Variants in SENP7 observed in about 807,000 individuals in gnomAD.
The protein encoded by SENP7 is SUMO specific peptidase 7.
Under a neutral mutation model 141.2 loss-of-function variants are expected in SENP7, and 64 were observed. The ratio of observed to expected loss-of-function variants is 0.45; its 90% CI spans 0.37 to 0.56. The LOEUF (loss-of-function observed/expected upper bound fraction) is 0.56. Ranked by LOEUF, SENP7 falls within the 20% of genes least tolerant of loss-of-function variation. The pLI is 0.00. For missense variants in SENP7, 1,025 were observed against 1,212.2 expected (o/e 0.85, Z 2.29); for synonymous variants, 382 against 426.4 (o/e 0.90, Z 1.28).
chr3:101,361,146 A>C (rs2059887706), intron 11 of SENP7, among the ~76,000 whole-genome samples: 1 of 151,958 alleles, frequency 6.6e-6, no homozygotes, highest in South Asian at 2.1e-4. Flanking sequence ...CAGAAGTTGC[A>C]GTGAGCCAAG....
chr3:101,381,272 C>A (rs937302980), intron 6 of SENP7, among the ~76,000 whole-genome samples: 1 of 152,088 alleles, frequency 6.6e-6, no homozygotes, highest in African/African-American at 2.4e-5. Flanking sequence ...TATAGTTCTA[C>A]CTCTGCCACT....
At chr3:101,412,500 G>T (rs1021318651) in intron 5 of SENP7, among the ~76,000 whole-genome samples, 9 of 152,116 alleles carry the variant, frequency 5.9e-5, no homozygotes, top group African/African-American at 2.2e-4. Flanking sequence ...CAGGAACACT[G>T]CAATATCCAA....
At chr3:101,409,104 T>G (rs1158188735) in intron 5 of SENP7, among the ~76,000 whole-genome samples, 1 of 152,160 alleles carries the variant, frequency 6.6e-6, no homozygotes, top group Non-Finnish European at 1.5e-5. Flanking sequence ...AAGATTAATG[T>G]ACATAAATCA....
At chr3:101,457,079 A>C (rs1477043726) in intron 4 of SENP7, among the ~76,000 whole-genome samples, 1 of 152,194 alleles carries the variant, frequency 6.6e-6, no homozygotes, top group Non-Finnish European at 1.5e-5. Context: ...TGTATAAGCA[A>C]AACCTGAAAA....
intron 15 of SENP7, among the ~76,000 whole-genome samples, chr3:101,340,951 G>A (rs905273530): frequency 1.3e-4 from 20 of 152,144 alleles, no homozygotes; most frequent in African/African-American, 4.1e-4. Context: ...CAGTAATGAA[G>A]GTATAATATG....
intron 4 of SENP7, among the ~76,000 whole-genome samples, chr3:101,456,489 T>C (rs989702828): frequency 1.3e-5 from 2 of 152,162 alleles, no homozygotes; most frequent in African/African-American, 4.8e-5. Context: ...GTATATTAAA[T>C]AGATGTTATA....
intron 15 of SENP7, among the ~76,000 whole-genome samples, chr3:101,340,642 A>G (rs2059304852): frequency 6.6e-6 from 1 of 152,202 alleles, no homozygotes; most frequent in African/African-American, 2.4e-5. Flanking sequence ...AAAAGCCAGC[A>G]GTCAAAAATT....
rs1298035613 is a variant in SENP7 at position 101,488,727 on chromosome 3, A to G, written c.186+5146T>C. ...CATGGCAGCATGTGCCTGTAGTCCC[A>G]GCTACTTGGGAGGCTGACGCAGGAG... On this transcript the variant is annotated intron_variant, in intron 3 of 23. Coordinates refer to ENST00000394095, the MANE Select transcript of SENP7 (RefSeq NM_020654.5). Among the ~76,000 whole-genome samples, 3 of 152,322 alleles carry G rather than the reference A, an allele frequency of 2.0e-5. No homozygotes were observed. In the South Asian group the frequency reaches 6.2e-4, roughly 32 times the overall value.
At chr3:101,416,290 T>C (rs1201883548) in intron 5 of SENP7, among the ~76,000 whole-genome samples, 2 of 152,198 alleles carry the variant, frequency 1.3e-5, no homozygotes, top group African/African-American at 4.8e-5. Flanking sequence ...ACATAATCTA[T>C]GTGCTAAAAA....
intron 9 of SENP7, among the ~76,000 whole-genome samples, chr3:101,366,201 G>GA (rs1317353011): frequency 1.3e-5 from 2 of 151,968 alleles, no homozygotes; most frequent in Non-Finnish European, 2.9e-5. Flanking sequence ...ACTAATCTAA[G>GA]AAAAAAATTA....
At chr3:101,431,708 C>G (rs936483039) in intron 4 of SENP7, among the ~76,000 whole-genome samples, 6 of 151,590 alleles carry the variant, frequency 4.0e-5, no homozygotes, top group Non-Finnish European at 8.8e-5. Flanking sequence ...CGCTTGAACC[C>G]GGGAGGCAGA....
chr3:101,490,708 A>G (rs1183222042), intron 3 of SENP7, among the ~76,000 whole-genome samples: 1 of 152,186 alleles, frequency 6.6e-6, no homozygotes, highest in Admixed American at 6.5e-5. Flanking sequence ...AAAATCACAA[A>G]CAAATCAATA....
In SENP7 at chr3:101,328,530, G is replaced by C. The variant is rs2058963744; in HGVS notation, c.2812C>G (p.Leu938Val). The C allele has an allele frequency of 6.2e-7, 1 of 1,612,322 alleles. No homozygotes were observed. Among genetic ancestry groups the C allele is most frequent in the Non-Finnish European group, 8.5e-7 (1 of 1,178,990 alleles). ...KMCKRPCILI[L>V]DSLKAASVQN... Reference sequence around the variant, plus strand: ...ACAGAAGCAGCTTTCAAGGAGTCTAGTATAAGAATACATGGCCTATGAAAA... The same window carrying C: ...ACAGAAGCAGCTTTCAAGGAGTCTACTATAAGAATACATGGCCTATGAAAA... Residue 938 changes from leucine (L) to valine (V), a missense_variant, in exon 22 of 24, where the codon CTA (leucine) becomes GTA (valine). This residue lies in a region of SENP7 where 295 missense variants were observed against 459.1 expected (regional missense o/e 0.64). Transcript: ENST00000394095.
chr3:101,434,948 C>T (rs542640243), intron 4 of SENP7, among the ~76,000 whole-genome samples: 1 of 152,118 alleles, frequency 6.6e-6, no homozygotes, highest in South Asian at 2.1e-4. Flanking sequence ...AACACCAAAA[C>T]CAAACAAAGA....
chr3:101,464,439 C>T (rs2063693354), intron 3 of SENP7, among the ~76,000 whole-genome samples: 1 of 152,090 alleles, frequency 6.6e-6, no homozygotes, highest in Non-Finnish European at 1.5e-5. Flanking sequence ...CTCACATTAC[C>T]ACCTGAGCTC....
chr3:101,424,510 A>G (rs2061893099), intron 4 of SENP7, among the ~76,000 whole-genome samples: 2 of 152,010 alleles, frequency 1.3e-5, no homozygotes, highest in Non-Finnish European at 1.5e-5. Flanking sequence ...TGCCCCTGGA[A>G]GTACCTCACC....
At chr3:101,347,191 T>C (rs1206459745) in intron 13 of SENP7, 1 of 151,758 alleles carries the variant, frequency 6.6e-6, no homozygotes, top group African/African-American at 2.4e-5. Context: ...CACTGTACTG[T>C]AGCCCAGGCA....
At chr3:101,470,697 G>C (rs1463439415) in intron 3 of SENP7, among the ~76,000 whole-genome samples, 1 of 152,190 alleles carries the variant, frequency 6.6e-6, no homozygotes, top group Non-Finnish European at 1.5e-5. Context: ...ATTAGGAAAT[G>C]AGGAAGTCAA....
intron 4 of SENP7, among the ~76,000 whole-genome samples, chr3:101,425,075 C>T (rs936399122): frequency 1.6e-4 from 25 of 152,196 alleles, no homozygotes; most frequent in African/African-American, 5.3e-4. Context: ...CCCATAGTCA[C>T]ATGGAACTGT....
Sources: allele counts gnomAD v4.1 joint callset (sites outside exome capture counted in the v4.1 genomes callset), GRCh38; gene constraint gnomAD v4.1.1; regional missense constraint gnomAD v4.1.1; transcripts MANE v1.5; gene names NCBI Gene and HGNC (gene_info 2026-07-23, HGNC 2026-07-21).